ASNS: variants seen among roughly 807,000 people sequenced by gnomAD.
ASNS encodes asparagine synthetase [glutamine-hydrolyzing].
ASNS carries 37 observed loss-of-function variants against 62.6 expected under a neutral mutation model. The ratio of observed to expected loss-of-function variants is 0.59; its 90% confidence interval spans 0.45 to 0.78. The LOEUF (loss-of-function observed/expected upper bound fraction) is 0.78. Ranked by LOEUF, ASNS falls within the 30% of genes least tolerant of loss-of-function variation. The pLI is 0.00. For missense variants in ASNS, 520 were observed against 682.4 expected (o/e 0.76, Z 2.65); for synonymous variants, 207 against 237.9 (o/e 0.87, Z 1.19).
chr7:97,885,622 C>A, the ASNS span, among the ~76,000 whole-genome samples: 2 of 152,322 alleles, frequency 1.3e-5, no homozygotes, highest in South Asian at 4.1e-4. Context: ...TCAGGGTCCA[C>A]ACTAAATGTG....
chr7:97,902,378 T>C, the ASNS span, among the ~76,000 whole-genome samples: 3 of 152,202 alleles, frequency 2.0e-5, no homozygotes, highest in African/African-American at 4.8e-5. Flanking sequence ...CTTAAAGAAA[T>C]GTGCACATAG....
intron 7 of ASNS, 132 bp downstream of exon 7, chr7:97,858,146 A>C: frequency 1.6e-6 from 2 of 1,222,558 alleles, no homozygotes; most frequent in Non-Finnish European, 2.3e-6. Context: ...ATTCTATTTT[A>C]ATACAATCAA....
At chr7:97,917,523 A>G in the ASNS span, among the ~76,000 whole-genome samples, 14 of 152,344 alleles carry the variant, frequency 9.2e-5, no homozygotes, top group African/African-American at 3.4e-4. Context: ...GCTGACCTGC[A>G]CTTCCCCAGC....
chr7:97,904,284 TCACACACA>T, the ASNS span, among the ~76,000 whole-genome samples: 4 of 135,136 alleles, frequency 3.0e-5, no homozygotes, highest in Non-Finnish European at 4.8e-5. Flanking sequence ...ACTACCAGTT[TCACACACA>T]CACACACACA....
In ASNS at chr7:97,858,915, A is replaced by G. The variant is rs2115655060; in HGVS notation, c.714T>C (p.Leu238=). Residue 238 remains leucine (L), a synonymous_variant, in exon 6 of 13, where the codon CTT becomes CTC. Coordinates refer to ENST00000394308, the MANE Select transcript of ASNS (RefSeq NM_001673.5). ...IETVKNNLRI[L]FNNAVKKRLM... is the part of the protein sequence containing the mutation. Reference sequence around the variant, plus strand: ...AACGTTTCTTTACAGCATTATTAAAAAGGATCCTGAGGTTGTTCTTCACAG... The same window carrying G: ...AACGTTTCTTTACAGCATTATTAAAGAGGATCCTGAGGTTGTTCTTCACAG... 6 of 1,613,856 alleles carry G rather than the reference A, an allele frequency of 3.7e-6. No individual in the cohort carries two copies. The highest frequency in any genetic ancestry group is 5.1e-6 in the Non-Finnish European group (6 of 1,179,968).
chr7:97,854,194 G>A (rs1791318057), intron 10 of ASNS, among the ~76,000 whole-genome samples: 1 of 152,314 alleles, frequency 6.6e-6, no homozygotes, highest in East Asian at 1.9e-4. Flanking sequence ...CTTGTCACAT[G>A]ATGTTTACGA....
chr7:97,915,450 C>A, the ASNS span, among the ~76,000 whole-genome samples: 2 of 152,332 alleles, frequency 1.3e-5, no homozygotes, highest in African/African-American at 4.8e-5. Flanking sequence ...ATACTAAACA[C>A]CAGAGACACA....
the ASNS span, among the ~76,000 whole-genome samples, chr7:97,920,690 C>T: frequency 6.6e-6 from 1 of 152,196 alleles, no homozygotes; most frequent in African/African-American, 2.4e-5. Context: ...CAGTTGCCTG[C>T]AAGGAGGGCT....
intron 10 of ASNS, among the ~76,000 whole-genome samples, chr7:97,854,130 C>T (rs1791315182): frequency 6.6e-6 from 1 of 152,220 alleles, no homozygotes; most frequent in African/African-American, 2.4e-5. Context: ...ATCTTCACTA[C>T]TCTATTCCCT....
At chr7:97,907,931 T>C in the ASNS span, among the ~76,000 whole-genome samples, 6 of 152,206 alleles carry the variant, frequency 3.9e-5, no homozygotes, top group African/African-American at 1.4e-4. Flanking sequence ...TACAGTATTT[T>C]TGAGCTCTTT....
At chr7:97,900,188 T>G in the ASNS span, among the ~76,000 whole-genome samples, 1 of 151,652 alleles carries the variant, frequency 6.6e-6, no homozygotes, top group Admixed American at 6.6e-5. Flanking sequence ...GGTGAAACCC[T>G]GTCTGTACTA....
chr7:97,924,336 T>C, the ASNS span, among the ~76,000 whole-genome samples: 136,670 of 152,272 alleles, frequency 0.9, 61,407 homozygotes, highest in African/African-American at 0.93. Context: ...TTCCCACTTA[T>C]GCACTGCATT....
the ASNS span, among the ~76,000 whole-genome samples, chr7:97,886,599 T>C: frequency 6.6e-6 from 1 of 152,138 alleles, no homozygotes; most frequent in Non-Finnish European, 1.5e-5. Context: ...AGATGCAGTT[T>C]TCATTTGTAT....
At chr7:97,871,969 G>A (rs1792291257) in intron 1 of ASNS, 3 of 152,214 alleles carry the variant, frequency 2.0e-5, no homozygotes, top group Non-Finnish European at 1.5e-5. Context: ...TCCGCCGCAG[G>A]GACCCGGACC....
the ASNS span, among the ~76,000 whole-genome samples, chr7:97,920,844 C>T: frequency 0.17 from 25,698 of 152,208 alleles, 2,342 homozygotes; most frequent in Middle Eastern, 0.23. Flanking sequence ...ATTTCAATAA[C>T]GCCACTTCTT....
In ASNS at chr7:97,853,362, T is replaced by C. The variant is rs2115594572; in HGVS notation, c.1263A>G (p.Leu421=). 6.2e-7 allele frequency: 1 copy of C among 1,612,750 alleles called. No homozygotes were observed. The highest frequency in any genetic ancestry group is 2.2e-5 in the East Asian group (1 of 44,846). The part of the protein sequence containing the change: ...AHGLELRVPF[L]DHRFSSYYLS... ...AGTAATAGGAAGAAAATCGATGATC[T>C]AGAAATGGGACTCTCAGTTCAAGAC... Residue 421 remains leucine (L), a synonymous_variant, in exon 11 of 13, where the codon CTA becomes CTG. Coordinates refer to ENST00000394308, the MANE Select transcript of ASNS (RefSeq NM_001673.5).
intron 5 of ASNS, 120 bp from the exon 6 acceptor site, chr7:97,859,075 C>A (rs1791592065): frequency 1.4e-5 from 19 of 1,381,154 alleles, no homozygotes; most frequent in Non-Finnish European, 1.8e-5. Flanking sequence ...GTGGAGTGTG[C>A]CAAATCTTAA....
At chr7:97,894,599 T>C in the ASNS span, among the ~76,000 whole-genome samples, 5 of 149,152 alleles carry the variant, frequency 3.4e-5, no homozygotes, top group African/African-American at 7.4e-5. Flanking sequence ...TGAACAACCA[T>C]AGGCTAACAA....
chr7:97,885,652 A>G, the ASNS span, among the ~76,000 whole-genome samples: 923 of 152,366 alleles, frequency 6.1e-3, 11 homozygotes, highest in African/African-American at 0.021. Context: ...GATGCAAGCC[A>G]CATATTTACT....
Sources: gnomAD v4.1 joint callset for allele counts (sites outside exome capture counted in the v4.1 genomes callset) on GRCh38, gnomAD v4.1.1 for gene constraint, MANE v1.5 for transcripts, NCBI Gene and HGNC (gene_info 2026-07-23, HGNC 2026-07-21) for gene names.